The following CASTOR2 variants were observed in gnomAD, a reference collection of about 807,000 sequenced individuals.
CASTOR2 encodes the protein cytosolic arginine sensor for mTORC1 subunit 2.
Under a neutral mutation model 31.2 loss-of-function variants are expected in CASTOR2, and 8 were observed. That is an observed-to-expected ratio of 0.26 (90% CI 0.15 to 0.46). The LOEUF (loss-of-function observed/expected upper bound fraction) is 0.46, where lower values mean the gene tolerates loss of function less well. CASTOR2 is among the 20% of genes least tolerant of loss of function. The probability of loss-of-function intolerance (pLI) is 0.99; values close to 1 mark genes in which losing one functional copy is unlikely to be tolerated. For synonymous variants in CASTOR2, 162 were observed against 158.7 expected (o/e 1.02, Z -0.16); for missense variants, 216 against 382.1 (o/e 0.57, Z 3.62).
At chr7:75,020,252 T>G in intron 6 of CASTOR2, 103 bp downstream of exon 6, 1 of 1,123,772 alleles carries the variant, frequency 8.9e-7, no homozygotes, top group South Asian at 1.4e-5. Flanking sequence ...TTTGTTGTTG[T>G]TTTTTTTTGA....
At chr7:75,004,835 T>C (rs1186844535) in intron 1 of CASTOR2, among the ~76,000 whole-genome samples, 1 of 152,086 alleles carries the variant, frequency 6.6e-6, no homozygotes, top group Non-Finnish European at 1.5e-5. Flanking sequence ...GATAGTTCTT[T>C]GGGTTTTGAC....
chr7:75,017,886 G>C (rs1409765593), intron 3 of CASTOR2, 95 bp downstream of exon 3: 5 of 1,613,236 alleles, frequency 3.1e-6, no homozygotes, highest in Non-Finnish European at 3.4e-6. Context: ...GCCCTTCCAC[G>C]CTATTCCAGG....
chr7:74,999,226 G>A (rs1804430797), intron 1 of CASTOR2, among the ~76,000 whole-genome samples: 1 of 151,908 alleles, frequency 6.6e-6, no homozygotes, highest in Non-Finnish European at 1.5e-5. Flanking sequence ...TAGCCAGGAT[G>A]GTCTCGATCT....
At chr7:75,016,741 A>C (rs1804871907) in intron 2 of CASTOR2, among the ~76,000 whole-genome samples, 1 of 152,254 alleles carries the variant, frequency 6.6e-6, no homozygotes, top group African/African-American at 2.4e-5. Context: ...ACGGCTGAGC[A>C]AACTGAGGCT....
At chr7:74,975,589 G>A (rs1244077851) in intron 1 of CASTOR2, among the ~76,000 whole-genome samples, 2 of 119,148 alleles carry the variant, frequency 1.7e-5, no homozygotes, top group African/African-American at 3.1e-5. Context: ...GGTGGCGGGC[G>A]CCTGTATTCC....
At chr7:75,000,226 T>G (rs1804461443) in intron 1 of CASTOR2, among the ~76,000 whole-genome samples, 1 of 152,066 alleles carries the variant, frequency 6.6e-6, no homozygotes, top group Non-Finnish European at 1.5e-5. Flanking sequence ...ACACTGTCTC[T>G]AAAGGAATGA....
chr7:74,989,215 C>T (rs1331005871), intron 1 of CASTOR2, among the ~76,000 whole-genome samples: 4 of 151,524 alleles, frequency 2.6e-5, no homozygotes, highest in Admixed American at 1.3e-4. Flanking sequence ...TCGCCCATCT[C>T]GGCCTCCGAA....
chr7:75,019,196 C>T, intron 5 of CASTOR2, 101 bp downstream of exon 5: 7 of 1,540,454 alleles, frequency 4.5e-6, no homozygotes, highest in African/African-American at 2.7e-5. Context: ...GCTAGGAGCT[C>T]ATCTGAGGGA....
intron 1 of CASTOR2, among the ~76,000 whole-genome samples, chr7:74,995,675 G>C (rs1335070046): frequency 6.6e-6 from 1 of 151,972 alleles, no homozygotes; most frequent in Non-Finnish European, 1.5e-5. Flanking sequence ...AGGTGTGGTG[G>C]CAGGCGCCTG....
At chr7:75,011,940 C>T (rs1369797965) in intron 2 of CASTOR2, among the ~76,000 whole-genome samples, 2 of 151,212 alleles carry the variant, frequency 1.3e-5, no homozygotes, top group South Asian at 2.1e-4. Flanking sequence ...GCACTCCAGC[C>T]TGGGGGACAG....
chr7:75,027,835 T>C lies in CASTOR2; in HGVS notation c.*3136T>C. On this transcript the variant is annotated 3_prime_UTR_variant, in exon 9 of 9. Coordinates refer to ENST00000616305, the MANE Select transcript of CASTOR2 (RefSeq NM_001145064.3). ...GTCTTGGTTTGGTCTCCACAGCTCTTCGGGGTGGGGTGTGAGTGTGGTTTT... is the reference window on the plus strand; with the variant it reads ...GTCTTGGTTTGGTCTCCACAGCTCTCCGGGGTGGGGTGTGAGTGTGGTTTT... 1 of 659,650 alleles carries C rather than the reference T, an allele frequency of 1.5e-6. No homozygotes were observed. 40.9% of individuals were successfully genotyped at this position (659,650 alleles called of 1,614,324 possible).
At chr7:74,970,463 C>CGAAGCTTCCA (rs1437355074) in intron 1 of CASTOR2, among the ~76,000 whole-genome samples, 1 of 103,972 alleles carries the variant, frequency 9.6e-6, no homozygotes, top group African/African-American at 3.2e-5. Context: ...AGCCTCACCT[C>CGAAGCTTCCA]GAAGCTTCCA....
Position 75,016,720 on chromosome 7 carries a change from G to A in CASTOR2, c.185-878G>A, listed in dbSNP as rs1231825239. Among the ~76,000 whole-genome samples, 3 of 152,214 alleles carry A rather than the reference G, an allele frequency of 2.0e-5. No homozygotes were observed. The East Asian group carries it at 5.8e-4, about 29-fold the overall frequency. ...CTAAAGGACATTACCCACTACTGAT[G>A]CCATCGTTTTACGGCTGAGCAAACT... On this transcript the variant is annotated intron_variant, in intron 2 of 8. Transcript: ENST00000616305.
chr7:75,001,611 C>A (rs1395992236), intron 1 of CASTOR2, among the ~76,000 whole-genome samples: 1 of 152,134 alleles, frequency 6.6e-6, no homozygotes, highest in Non-Finnish European at 1.5e-5. Flanking sequence ...CACATGAGGG[C>A]GGACAGGGTT....
rs1461261734 is a variant in CASTOR2, at chr7:75,027,008, G to A, written c.*2309G>A. On this transcript the variant is annotated 3_prime_UTR_variant, in exon 9 of 9. Transcript: ENST00000616305. ...GCATATATACTTGAGCAATATATAT[G>A]TTAATATATACTGTGTGCGCAGTCC... The A allele has an allele frequency of 6.6e-6, 1 of 152,242 alleles. No individual in the cohort carries two copies. Among genetic ancestry groups the A allele is most frequent in the African/African-American group, 2.4e-5 (1 of 41,456 alleles). 9.4% of individuals were successfully genotyped at this position (152,242 alleles called of 1,614,324 possible). A position where few individuals can be genotyped will look rare whatever the true frequency, so the allele number is the denominator to read the frequency against.
At chr7:74,981,903 C>T (rs1383241917) in intron 1 of CASTOR2, among the ~76,000 whole-genome samples, 2 of 125,588 alleles carry the variant, frequency 1.6e-5, no homozygotes, top group Non-Finnish European at 3.3e-5. Context: ...CCCGTCTCTA[C>T]AAGAAATTTT....
Position 75,029,624 on chromosome 7 carries a change from A to G in CASTOR2, c.*4925A>G, listed in dbSNP as rs1161613158. 1.3e-5 allele frequency among the ~76,000 whole-genome samples: 2 copies of G among 151,972 alleles called. No individual in the cohort carries two copies. The highest frequency in any genetic ancestry group is 4.8e-5 in the African/African-American group (2 of 41,404). The stretch of plus-strand genomic sequence containing the variant: ...CTCCCAAAGTGCTGGGATTACAGGC[A>G]TGAGATACCCCGCCTGGCCAATGGG... On this transcript the variant is annotated 3_prime_UTR_variant, in exon 9 of 9. Coordinates refer to ENST00000616305, the MANE Select transcript of CASTOR2 (RefSeq NM_001145064.3).
chr7:75,028,191 C>T lies in CASTOR2; in HGVS notation c.*3492C>T. 1 of 1,013,438 alleles carries T rather than the reference C, an allele frequency of 9.9e-7. No individual in the cohort carries two copies. Among genetic ancestry groups the T allele is most frequent in the Non-Finnish European group, 1.4e-6 (1 of 717,584 alleles). The allele number at this position is 1,013,438 out of a possible 1,614,324, so 62.8% of individuals were successfully genotyped here. On this transcript the variant is annotated 3_prime_UTR_variant, in exon 9 of 9. Transcript: ENST00000616305. ...GGAGTGCTGTGGCATGATCTCAGCT[C>T]ACTGCAGCAACCTCCACTTCCTGGG...
chr7:74,996,084 C>T (rs1420598575), intron 1 of CASTOR2, among the ~76,000 whole-genome samples: 16,257 of 151,464 alleles, frequency 0.11, 982 homozygotes, highest in Middle Eastern at 0.16. Flanking sequence ...CTGAGCGTGG[C>T]AGAGGGGCAG....
Sources: gnomAD v4.1 joint callset for allele counts (sites outside exome capture counted in the v4.1 genomes callset) on GRCh38, gnomAD v4.1.1 for gene constraint, MANE v1.5 for transcripts, NCBI Gene and HGNC (gene_info 2026-07-23, HGNC 2026-07-21) for gene names.